EXT1: variants seen among roughly 807,000 people sequenced by gnomAD.
EXT1 encodes the protein exostosin-1.
A neutral mutation model predicts 82.5 loss-of-function variants in EXT1; 20 were observed. That is an observed-to-expected ratio of 0.24 (90% CI 0.17 to 0.35). The LOEUF (loss-of-function observed/expected upper bound fraction) is 0.35, where lower values mean the gene tolerates loss of function less well. EXT1 is among the 10% of genes least tolerant of loss of function. The pLI is 1.00. For synonymous variants in EXT1, 348 were observed against 350.8 expected (o/e 0.99, Z 0.09); for missense variants, 757 against 936.5 (o/e 0.81, Z 2.50).
At chr8:117,993,590 A>G (rs1046747136) in intron 1 of EXT1, among the ~76,000 whole-genome samples, 2 of 152,242 alleles carry the variant, frequency 1.3e-5, no homozygotes, top group African/African-American at 4.8e-5. Flanking sequence ...CCCAAAGCAT[A>G]TTATTACACA....
chr8:117,987,917 G>A lies in EXT1; in HGVS notation c.962+122168C>T, dbSNP rs576615699. On this transcript the variant is annotated intron_variant, in intron 1 of 10. Coordinates refer to ENST00000378204, the MANE Select transcript of EXT1 (RefSeq NM_000127.3). ...AGCCTGGGCAACATAGCAAAATCTC[G>A]TCTCTACAAAAAATACCAAAATTAG... 3.3e-5 allele frequency among the ~76,000 whole-genome samples: 5 copies of A among 152,176 alleles called. No individual in the cohort carries two copies. In the South Asian group the frequency reaches 8.3e-4, roughly 25 times the overall value.
intron 1 of EXT1, 43 bp from the exon 2 acceptor site, chr8:117,837,244 C>A (rs763837956): frequency 7.3e-6 from 11 of 1,508,678 alleles, no homozygotes; most frequent in South Asian, 5.6e-5. Flanking sequence ...AGACTCATTG[C>A]GAATGTGGGG....
At chr8:118,055,369 A>G (rs1038928048) in intron 1 of EXT1, among the ~76,000 whole-genome samples, 3 of 152,136 alleles carry the variant, frequency 2.0e-5, no homozygotes, top group African/African-American at 7.2e-5. Flanking sequence ...AGCACAGTCT[A>G]CTCATCCATT....
intron 1 of EXT1, among the ~76,000 whole-genome samples, chr8:118,064,852 ATTTTT>A (rs35880608): frequency 1.6e-5 from 2 of 123,054 alleles, no homozygotes; most frequent in South Asian, 2.7e-4. Flanking sequence ...TGTTTCCTGA[ATTTTT>A]TTTTTTTTTT....
intron 1 of EXT1, among the ~76,000 whole-genome samples, chr8:118,003,532 A>C (rs528670355): frequency 2.0e-5 from 3 of 152,206 alleles, no homozygotes; most frequent in Non-Finnish European, 4.4e-5. Flanking sequence ...AAATTTAAAA[A>C]ATCAGTTTCC....
intron 1 of EXT1, among the ~76,000 whole-genome samples, chr8:118,048,524 AT>A (rs1161590987): frequency 3.3e-5 from 5 of 151,938 alleles, no homozygotes; most frequent in African/African-American, 4.8e-5. Flanking sequence ...TTTCAAATCA[AT>A]TTTTTTTCCC....
At chr8:117,988,415 G>A (rs1815364011) in intron 1 of EXT1, among the ~76,000 whole-genome samples, 1 of 151,194 alleles carries the variant, frequency 6.6e-6, no homozygotes, top group East Asian at 2.0e-4. Flanking sequence ...AAGTGATTCT[G>A]AGTAGGTCTA....
intron 3 of EXT1, chr8:117,831,495 C>A: frequency 2.2e-6 from 1 of 447,260 alleles, no homozygotes; most frequent in Non-Finnish European, 4.6e-6. Flanking sequence ...GTTTTCTGGG[C>A]TTGTTCCCTA....
At chr8:117,967,524 A>C (rs1310277221) in intron 1 of EXT1, among the ~76,000 whole-genome samples, 1 of 61,498 alleles carries the variant, frequency 1.6e-5, no homozygotes, top group Non-Finnish European at 2.7e-5. Context: ...TTATAAATGG[A>C]AACATAAAAT....
At position 117,911,616 on chromosome 8, in the gene EXT1, G is replaced by C. The variant is rs536397847; in HGVS notation, c.963-74415C>G. Reference sequence around the variant, plus strand: ...GACTGGCCTCAGAAAGAAGGCCAACGGTGGACCTAAATTTCACATTTCTCA... The same window carrying C: ...GACTGGCCTCAGAAAGAAGGCCAACCGTGGACCTAAATTTCACATTTCTCA... On this transcript the variant is annotated intron_variant, in intron 1 of 10. Coordinates refer to ENST00000378204, the MANE Select transcript of EXT1 (RefSeq NM_000127.3). Among the ~76,000 whole-genome samples the C allele has an allele frequency of 2.0e-5, 3 of 152,274 alleles. No individual in the cohort carries two copies. In the East Asian group the frequency reaches 5.8e-4, roughly 29 times the overall value.
intron 1 of EXT1, among the ~76,000 whole-genome samples, chr8:117,936,198 T>C (rs924429916): frequency 1.3e-5 from 2 of 152,182 alleles, no homozygotes; most frequent in Admixed American, 6.5e-5. Context: ...AACAAAACCC[T>C]TGAAGACTGG....
At chr8:118,000,359 A>T (rs543453635) in intron 1 of EXT1, among the ~76,000 whole-genome samples, 1 of 152,190 alleles carries the variant, frequency 6.6e-6, no homozygotes, top group Non-Finnish European at 1.5e-5. Flanking sequence ...GAGTTTAGAA[A>T]AATGCATAGC....
intron 1 of EXT1, among the ~76,000 whole-genome samples, chr8:117,992,051 G>A (rs1815445601): frequency 6.6e-6 from 1 of 152,132 alleles, no homozygotes; most frequent in African/African-American, 2.4e-5. Context: ...TGTTATTCCT[G>A]ACCAGAAAGA....
At chr8:118,035,858 T>C (rs946525420) in intron 1 of EXT1, among the ~76,000 whole-genome samples, 2 of 152,240 alleles carry the variant, frequency 1.3e-5, no homozygotes, top group African/African-American at 4.8e-5. Context: ...ATGAGTTGTC[T>C]ACTTTTCAAC....
chr8:117,879,734 T>C (rs17503962), intron 1 of EXT1, among the ~76,000 whole-genome samples: 3,477 of 152,206 alleles, frequency 0.023, 142 homozygotes, highest in African/African-American at 0.08. Flanking sequence ...TTATGCATTT[T>C]CCCCCCAAAA....
At chr8:118,042,696 T>C (rs1039678002) in intron 1 of EXT1, among the ~76,000 whole-genome samples, 5 of 152,170 alleles carry the variant, frequency 3.3e-5, no homozygotes, top group African/African-American at 1.2e-4. Context: ...ACCTGGTATA[T>C]TTCCATTCAA....
At chr8:118,052,188 C>T (rs568088873) in intron 1 of EXT1, among the ~76,000 whole-genome samples, 1 of 152,244 alleles carries the variant, frequency 6.6e-6, no homozygotes, top group African/African-American at 2.4e-5. Context: ...GGTGAAGGCA[C>T]CACAAAACAT....
At chr8:117,923,191 G>C (rs1454910736) in intron 1 of EXT1, among the ~76,000 whole-genome samples, 1 of 152,052 alleles carries the variant, frequency 6.6e-6, no homozygotes, top group Non-Finnish European at 1.5e-5. Flanking sequence ...TGGGCGTGGT[G>C]GTGGGTCCCT....
intron 1 of EXT1, among the ~76,000 whole-genome samples, chr8:117,868,104 G>A (rs1010217418): frequency 6.6e-6 from 1 of 152,172 alleles, no homozygotes; most frequent in African/African-American, 2.4e-5. Context: ...CCACCAGCAT[G>A]TTCATTCATT....
Sources: gnomAD v4.1 joint callset for allele counts (sites outside exome capture counted in the v4.1 genomes callset) on GRCh38, gnomAD v4.1.1 for gene constraint, MANE v1.5 for transcripts, NCBI Gene and HGNC (gene_info 2026-07-23, HGNC 2026-07-21) for gene names.